Variants in CHD4 observed in about 807,000 individuals in gnomAD.
CHD4 encodes the protein chromodomain helicase DNA binding protein 4.
CHD4 carries 35 observed loss-of-function variants against 235.5 expected under a neutral mutation model. The observed-to-expected ratio is 0.15, with a 90% CI of 0.11 to 0.20. The LOEUF is 0.20. Ranked by LOEUF, CHD4 falls within the 10% of genes least tolerant of loss-of-function variation. The pLI, the probability that CHD4 is intolerant of heterozygous loss-of-function variation, is 1.00. For missense variants in CHD4, 1,329 were observed against 2,432.3 expected (o/e 0.55, Z 9.54); for synonymous variants, 900 against 850.2 (o/e 1.06, Z -1.02).
Position 6,601,943 on chromosome 12 carries a change from G to A in CHD4, c.438+17C>T, listed in dbSNP as rs767126946. 10 of 1,606,664 alleles carry A rather than the reference G, an allele frequency of 6.2e-6. No homozygotes were observed. Among genetic ancestry groups the A allele is most frequent in the Non-Finnish European group, 8.5e-6 (10 of 1,179,690 alleles). On this transcript the variant is annotated intron_variant, in intron 4 of 39. Transcript: ENST00000544040. ...AAAAGTTTAACAGTACAAAGAAGAG[G>A]ATGGAGGTCCAGGCACCTTTGAATC...
In CHD4 at chr12:6,601,776, G is replaced by C; in HGVS notation, c.439-10C>G. On this transcript the variant is annotated splice_polypyrimidine_tract_variant and intron_variant, in intron 4 of 39. Coordinates refer to ENST00000544040, the MANE Select transcript of CHD4 (RefSeq NM_001273.5). ...CAGATGATTTAGGCTCCTGCAGAAA[G>C]AGCAAAGTCAAGTAAGTACCTGCCA... The C allele has an allele frequency of 6.2e-7, 1 of 1,612,416 alleles. No homozygotes were observed. The highest frequency in any genetic ancestry group is 8.5e-7 in the Non-Finnish European group (1 of 1,178,552).
chr12:6,590,430 G>A lies in CHD4; in HGVS notation c.3340+1036C>T, dbSNP rs555337669. Among the ~76,000 whole-genome samples the A allele has an allele frequency of 5.9e-5, 9 of 152,178 alleles. No homozygotes were observed. In the South Asian group the frequency reaches 1.7e-3, roughly 28 times the overall value. On this transcript the variant is annotated intron_variant, in intron 22 of 39. Coordinates refer to ENST00000544040, the MANE Select transcript of CHD4 (RefSeq NM_001273.5). ...GTTACGTAAGTTATTATTAAGAGAA[G>A]CTAGCTAGTTGAACAGTATACATGA... is the stretch of plus-strand genomic sequence containing the variant.
chr12:6,587,512 C>T lies in CHD4; in HGVS notation c.3751G>A (p.Asp1251Asn). Residue 1251 changes from aspartate (D) to asparagine (N), a missense_variant, in exon 25 of 40, where the codon GAT becomes AAT. Physicochemically the swap from Asp to Asn is conservative, Grantham distance 23 (BLOSUM62 1). Around this residue, in one of 26 missense-constraint regions of CHD4, gnomAD observed 21 missense variants for 53.5 expected, o/e 0.39. Coordinates refer to ENST00000544040, the MANE Select transcript of CHD4 (RefSeq NM_001273.5). ...TCTAGCAGCCGTTCAATGGCCTTAT[C>T]ATCGTAGTGGATAACACTGCTATCT... ...GEDSSVIHYD[D>N]KAIERLLDRN... 6.2e-7 allele frequency: 1 copy of T among 1,614,194 alleles called. No homozygotes were observed. The highest frequency in any genetic ancestry group is 8.5e-7 in the Non-Finnish European group (1 of 1,180,050).
chr12:6,570,453 C>T lies in CHD4; in HGVS notation c.*223G>A. On this transcript the variant is annotated 3_prime_UTR_variant, in exon 40 of 40. Coordinates refer to ENST00000544040, the MANE Select transcript of CHD4 (RefSeq NM_001273.5). ...GTCCAGAAGGCCAGCCCGCCAGCTCCTGCAGATGGCGCCAGCGCTACTGCT... is the reference window on the plus strand; with the variant it reads ...GTCCAGAAGGCCAGCCCGCCAGCTCTTGCAGATGGCGCCAGCGCTACTGCT... The T allele has an allele frequency of 1.7e-6, 1 of 581,138 alleles. No individual in the cohort carries two copies. Among genetic ancestry groups the T allele is most frequent in the Non-Finnish European group, 3.0e-6 (1 of 329,768 alleles). The allele number at this position is 581,138 out of a possible 1,614,324, so 36.0% of individuals were successfully genotyped here.
intron 12 of CHD4, among the ~76,000 whole-genome samples, chr12:6,596,519 G>A (rs542132993): frequency 8.5e-5 from 13 of 152,218 alleles, no homozygotes; most frequent in Admixed American, 8.5e-4. Context: ...CAGGCATCAG[G>A]CCGGGCGCGG....
rs370211517 is a variant in CHD4, at chr12:6,588,059, C to T, written c.3466-110G>A. ...AGTACAAGGCAAGGTCCACAGCCTA[C>T]ATTCATAGGAAACTTCCTTTTGCAC... On this transcript the variant is annotated intron_variant, in intron 23 of 39. Transcript: ENST00000544040. 409 of 1,239,268 alleles carry T rather than the reference C, an allele frequency of 3.3e-4. 6 individuals are homozygous for T. The South Asian group carries it at 5.4e-3, about 16-fold the overall frequency. The allele number at this position is 1,239,268 out of a possible 1,614,324, so 76.8% of individuals were successfully genotyped here. A position where few individuals can be genotyped will look rare whatever the true frequency, so the allele number is the denominator to read the frequency against.
rs781178939 is a variant in CHD4 at position 6,577,835 on chromosome 12, G to A, written c.5311C>T (p.Arg1771Cys). 1.9e-6 allele frequency: 3 copies of A among 1,614,130 alleles called. No homozygotes were observed. The highest frequency in any genetic ancestry group is 1.7e-5 in the Admixed American group (1 of 60,012). ...LNEPFKGEMNRGNFLEIKNKF... is the reference protein window; with the variant it reads ...LNEPFKGEMNCGNFLEIKNKF... ...TTCTTGATCTCTAAGAAATTGCCAC[G>A]GTTCATTTCACCCTTGAAAGGCTCA... is the stretch of plus-strand genomic sequence containing the variant. Residue 1771 changes from arginine (R) to cysteine (C), a missense_variant, in exon 37 of 40, where the codon CGT becomes TGT. Transcript: ENST00000544040.
chr12:6,595,311 C>T (rs1948468312), intron 14 of CHD4, 23 bp downstream of exon 14: 1 of 1,597,474 alleles, frequency 6.3e-7, no homozygotes, highest in Non-Finnish European at 8.6e-7. Context: ...CAACAAACTA[C>T]AGTCCCTTCC....
rs535533490 is a variant in CHD4 at position 6,604,516 on chromosome 12, A to T, written c.100+1758T>A. Among the ~76,000 whole-genome samples, 13 of 152,168 alleles carry T rather than the reference A, an allele frequency of 8.5e-5. No individual in the cohort carries two copies. The South Asian group carries it at 2.7e-3, about 32-fold the overall frequency. ...GGAATGCAACATCAGCCTGGATTTC[A>T]CCAGAAAGAATCATTTTCTTAAGGA... On this transcript the variant is annotated intron_variant, in intron 2 of 39. Coordinates refer to ENST00000544040, the MANE Select transcript of CHD4 (RefSeq NM_001273.5).
chr12:6,601,862 G>A lies in CHD4; in HGVS notation c.439-96C>T, dbSNP rs931913884. 7.7e-6 allele frequency: 12 copies of A among 1,563,730 alleles called. No individual in the cohort carries two copies. The South Asian group carries it at 7.8e-5, about 10-fold the overall frequency. ...AAAAATCAGAGTAACAGAGTTAAGA[G>A]GAAAAGAAGAGAAAGTGTTCTAAAG... On this transcript the variant is annotated intron_variant, in intron 4 of 39. Coordinates refer to ENST00000544040, the MANE Select transcript of CHD4 (RefSeq NM_001273.5).
chr12:6,598,404 C>T lies in CHD4; in HGVS notation c.1504G>A (p.Val502Met). 6.2e-7 allele frequency: 1 copy of T among 1,610,532 alleles called. No individual in the cohort carries two copies. The highest frequency in any genetic ancestry group is 8.5e-7 in the Non-Finnish European group (1 of 1,177,958). The stretch of plus-strand genomic sequence containing the variant: ...CACTTCCAGATTAGGATCTTCTGCA[C>T]TTTGCCCTTCAGAGCTGGACACTGA... The part of the protein sequence containing the change: ...RCTCPALKGK[V>M]QKILIWKWGQ... The change falls in exon 11 of 40, where the codon GTG becomes ATG. Residue 502 changes from valine (V) to methionine (M), a missense_variant. Coordinates refer to ENST00000544040, the MANE Select transcript of CHD4 (RefSeq NM_001273.5).
intron 21 of CHD4, 28 bp downstream of exon 21, chr12:6,591,666 T>C (rs922544949): frequency 1.1e-5 from 18 of 1,614,136 alleles, no homozygotes; most frequent in Non-Finnish European, 1.5e-5. Flanking sequence ...CTATGACTGT[T>C]CCCTAAAGCT....
chr12:6,602,618 C>G, intron 2 of CHD4, 121 bp from the exon 3 acceptor site: 1 of 1,249,060 alleles, frequency 8.0e-7, no homozygotes, highest in Non-Finnish European at 1.1e-6. Flanking sequence ...CTGAAGAGAA[C>G]TGCTATACTC....
In CHD4 at chr12:6,600,077, G is replaced by A. The variant is rs1278289874; in HGVS notation, c.1243-65C>T. 4 of 1,560,374 alleles carry A rather than the reference G, an allele frequency of 2.6e-6. No homozygotes were observed. The East Asian group carries it at 9.0e-5, about 35-fold the overall frequency. On this transcript the variant is annotated intron_variant, in intron 9 of 39. Transcript: ENST00000544040. Reference sequence around the variant, plus strand: ...CCGCCCACCGCAGTCTGAAGCCAGTGCCCATCATTCCTTTGAATGCTTCCC... The same window carrying A: ...CCGCCCACCGCAGTCTGAAGCCAGTACCCATCATTCCTTTGAATGCTTCCC...
At chr12:6,579,094 C>G (rs779888564) in intron 33 of CHD4, 177 bp from the exon 34 acceptor site, 3 of 565,440 alleles carry the variant, frequency 5.3e-6, no homozygotes, top group Non-Finnish European at 9.5e-6. Flanking sequence ...GCAGGCAGAT[C>G]ACTTGAGGTC....
chr12:6,585,380 G>A (rs1428885507), intron 25 of CHD4, among the ~76,000 whole-genome samples: 1 of 151,842 alleles, frequency 6.6e-6, no homozygotes, highest in Non-Finnish European at 1.5e-5. Context: ...TGCCTCCCAG[G>A]TACAAGTGAT....
At chr12:6,575,224 G>GA (rs1267128221) in intron 37 of CHD4, among the ~76,000 whole-genome samples, 6 of 152,144 alleles carry the variant, frequency 3.9e-5, no homozygotes, top group African/African-American at 1.4e-4. Flanking sequence ...AAGGCGGGCA[G>GA]ATCACCTGAG....
In CHD4 at chr12:6,587,378, ACTCACCCCCATTT is replaced by A; in HGVS notation, c.3872_3879+5del. 1 of 1,613,606 alleles carries A rather than the reference ACTCACCCCCATTT, an allele frequency of 6.2e-7. No homozygotes were observed. Among genetic ancestry groups the A allele is most frequent in the Admixed American group, 1.7e-5 (1 of 59,978 alleles). On this transcript the variant is annotated splice_donor_variant and splice_donor_5th_base_variant and coding_sequence_variant and intron_variant, in exon 25 of 40. Coordinates refer to ENST00000544040, the MANE Select transcript of CHD4 (RefSeq NM_001273.5). LOFTEE classifies it high-confidence loss of function. Reference sequence around the variant, plus strand: ...AAGCACAGGATTGCCTTGGATTCATACTCACCCCCATTTCTTCTTCCCGTACCACATACTGGGC... The same window carrying A: ...AAGCACAGGATTGCCTTGGATTCATACTTCTTCCCGTACCACATACTGGGC...
intron 22 of CHD4, among the ~76,000 whole-genome samples, chr12:6,588,777 C>G (rs1252035446): frequency 6.7e-6 from 1 of 149,404 alleles, no homozygotes; most frequent in Non-Finnish European, 1.5e-5. Context: ...GAAACTCCAT[C>G]TCAAAAAAAA....
Sources: gnomAD v4.1 joint callset for allele counts (sites outside exome capture counted in the v4.1 genomes callset) on GRCh38, gnomAD v4.1.1 for gene constraint, gnomAD v4.1.1 regional missense constraint, MANE v1.5 for transcripts, NCBI Gene and HGNC (gene_info 2026-07-23, HGNC 2026-07-21) for gene names.